Variants in TIMM21 observed in about 807,000 individuals in gnomAD.
TIMM21 encodes translocase of inner mitochondrial membrane 21.
A neutral mutation model predicts 27.7 loss-of-function variants in TIMM21; 30 were observed. The ratio of observed to expected loss-of-function variants is 1.08; its 90% CI spans 0.81 to 1.47. The LOEUF is 1.47. Ranked by LOEUF, TIMM21 falls within the 40% of genes most tolerant of loss-of-function variation. The pLI, the probability that TIMM21 is intolerant of heterozygous loss-of-function variation, is 0.00. For missense variants in TIMM21, 292 were observed against 302.9 expected (o/e 0.96, Z 0.27); for synonymous variants, 121 against 114.4 (o/e 1.06, Z -0.37).
chr18:74,149,250 TAGAAC>T, intron 1 of TIMM21, 141 bp downstream of exon 1: 2 of 885,488 alleles, frequency 2.3e-6, no homozygotes, highest in Non-Finnish European at 3.4e-6. Flanking sequence ...AATTTAGAAC[TAGAAC>T]ATATAGATCT....
intron 1 of TIMM21, 76 bp from the exon 2 acceptor site, chr18:74,155,069 A>G (rs922320793): frequency 6.2e-6 from 9 of 1,445,596 alleles, no homozygotes; most frequent in Non-Finnish European, 7.8e-6. Flanking sequence ...TTCTCTCGCA[A>G]GAAGTGCAAA....
chr18:74,149,072 T>C lies in TIMM21; in HGVS notation c.264T>C (p.Ser88=). ...DGSKQVSVHR[S]QRGGTAVPTS... ...GCAAACAAGTGTCTGTGCACAGGAGTCAGAGAGGGGGAACCGCCGTCCCAA... is the reference window on the plus strand; with the variant it reads ...GCAAACAAGTGTCTGTGCACAGGAGCCAGAGAGGGGGAACCGCCGTCCCAA... The change falls in exon 1 of 6, where the codon AGT becomes AGC. Residue 88 remains serine (S), a synonymous_variant. Transcript: ENST00000169551. 6.2e-7 allele frequency: 1 copy of C among 1,611,528 alleles called. No individual in the cohort carries two copies. Among genetic ancestry groups the C allele is most frequent in the Non-Finnish European group, 8.5e-7 (1 of 1,178,380 alleles).
intron 1 of TIMM21, among the ~76,000 whole-genome samples, chr18:74,149,447 A>G (rs17088863): frequency 0.088 from 13,359 of 152,282 alleles, 1,084 homozygotes; most frequent in African/African-American, 0.21. Flanking sequence ...CTGGTAGGGA[A>G]AACTTTCACA....
intron 1 of TIMM21, among the ~76,000 whole-genome samples, chr18:74,151,773 C>T (rs73969133): frequency 0.019 from 2,870 of 152,226 alleles, 82 homozygotes; most frequent in African/African-American, 0.064. Context: ...ATCACTGTCT[C>T]GAAGTTTCCA....
intron 1 of TIMM21, among the ~76,000 whole-genome samples, chr18:74,149,878 C>T (rs904619552): frequency 6.6e-6 from 1 of 152,240 alleles, no homozygotes; most frequent in South Asian, 2.1e-4. Flanking sequence ...TTGCACTGCA[C>T]ACCAGGCCTG....
rs913224948 is a variant in TIMM21 at position 74,149,261 on chromosome 18, G to C, written c.301+152G>C. ...ACATAATTTAGAACTAGAACATATA[G>C]ATCTACAGTTTTCTTCACAGATTGG... On this transcript the variant is annotated intron_variant, in intron 1 of 5. Transcript: ENST00000169551. 20 of 837,064 alleles carry C rather than the reference G, an allele frequency of 2.4e-5. No individual in the cohort carries two copies. In the South Asian group the frequency reaches 2.9e-4, roughly 12 times the overall value. 51.9% of individuals were successfully genotyped at this position (837,064 alleles called of 1,614,324 possible).
At chr18:74,153,296 A>G (rs1158366437) in intron 1 of TIMM21, among the ~76,000 whole-genome samples, 1 of 152,224 alleles carries the variant, frequency 6.6e-6, no homozygotes, top group Non-Finnish European at 1.5e-5. Context: ...ACAGATATAC[A>G]GGAGCTGTTG....
intron 1 of TIMM21, among the ~76,000 whole-genome samples, chr18:74,153,796 A>T (rs1979873531): frequency 1.3e-5 from 2 of 152,252 alleles, no homozygotes; most frequent in Admixed American, 1.3e-4. Context: ...AACATAATAG[A>T]AGCTTTTTAT....
Position 74,158,881 on chromosome 18 carries a change from T to G in TIMM21, c.*401T>G. On this transcript the variant is annotated 3_prime_UTR_variant, in exon 6 of 6. Transcript: ENST00000169551. ...TCATTAGCAGCTGCCCTCCGCATAC[T>G]TTGGAATCTGACTTGAGATAAGCAT... is the stretch of plus-strand genomic sequence containing the variant. 1 of 184,018 alleles carries G rather than the reference T, an allele frequency of 5.4e-6. No individual in the cohort carries two copies. The highest frequency in any genetic ancestry group is 1.1e-4 in the South Asian group (1 of 9,060). The allele number at this position is 184,018 out of a possible 1,614,324, so 11.4% of individuals were successfully genotyped here.
intron 1 of TIMM21, among the ~76,000 whole-genome samples, chr18:74,151,446 G>T (rs1007146555): frequency 6.6e-6 from 1 of 152,060 alleles, no homozygotes; most frequent in Admixed American, 6.6e-5. Context: ...AGACACTCCC[G>T]ACTGCCACTC....
rs768343547 is a variant in TIMM21 at position 74,158,390 on chromosome 18, T to C, written c.657T>C (p.Gly219=). 6.2e-7 allele frequency: 1 copy of C among 1,607,344 alleles called. No homozygotes were observed. The highest frequency in any genetic ancestry group is 1.1e-5 in the South Asian group (1 of 90,664). The change falls in exon 6 of 6, where the codon GGT becomes GGC. Residue 219 remains glycine, a synonymous_variant. Coordinates refer to ENST00000169551, the MANE Select transcript of TIMM21 (RefSeq NM_014177.3). ...ATTTTTTTCAGAACCCAGGAAGTGGTGAATATGATTTTCGATATATATTTG... is the reference window on the plus strand; with the variant it reads ...ATTTTTTTCAGAACCCAGGAAGTGGCGAATATGATTTTCGATATATATTTG... ...YAQVKENPGS[G]EYDFRYIFVE...
At chr18:74,149,407 AAGAG>A (rs139675978) in intron 1 of TIMM21, among the ~76,000 whole-genome samples, 3,024 of 151,982 alleles carry the variant, frequency 0.02, 88 homozygotes, top group African/African-American at 0.064. Flanking sequence ...ATAGGATAAA[AAGAG>A]AGAGAGAGAG....
intron 1 of TIMM21, among the ~76,000 whole-genome samples, chr18:74,150,485 T>C (rs9961215): frequency 0.088 from 13,347 of 152,190 alleles, 1,079 homozygotes; most frequent in African/African-American, 0.21. Flanking sequence ...GTCCAGAAGG[T>C]TTCAGTCCCT....
At chr18:74,150,269 A>G (rs1472433562) in intron 1 of TIMM21, among the ~76,000 whole-genome samples, 1 of 152,230 alleles carries the variant, frequency 6.6e-6, no homozygotes, top group Non-Finnish European at 1.5e-5. Context: ...CCAGAACAGC[A>G]TTATTCAAAT....
In TIMM21 at chr18:74,148,926, A is replaced by G; in HGVS notation, c.118A>G (p.Ser40Gly). 6.2e-7 allele frequency: 1 copy of G among 1,614,206 alleles called. No homozygotes were observed. The highest frequency in any genetic ancestry group is 1.1e-5 in the South Asian group (1 of 91,084). Residue 40 changes from serine (S) to glycine (G), a missense_variant, in exon 1 of 6, where the codon AGT (serine) becomes GGT (glycine). By Grantham distance (56) the Ser-to-Gly change is moderately conservative. Coordinates refer to ENST00000169551, the MANE Select transcript of TIMM21 (RefSeq NM_014177.3). Reference protein sequence around the residue: ...LNKACLKTEPSLRCGLQYQKK... With the variant: ...LNKACLKTEPGLRCGLQYQKK... ...CAAAGCGTGCTTGAAGACTGAGCCC[A>G]GTTTGAGATGTGGGCTTCAATATCA...
chr18:74,152,209 G>T lies in TIMM21; in HGVS notation c.302-2936G>T, dbSNP rs1979829372. ...AGATTTTTTACAACATTGACCTCAAGGGCCCCCTACCCAGCTTTAGGTTGC... is the reference window on the plus strand; with the variant it reads ...AGATTTTTTACAACATTGACCTCAATGGCCCCCTACCCAGCTTTAGGTTGC... On this transcript the variant is annotated intron_variant, in intron 1 of 5. Coordinates refer to ENST00000169551, the MANE Select transcript of TIMM21 (RefSeq NM_014177.3). This position sits in a 1 kb window ranked among gnomAD's most constrained non-coding sequence, Gnocchi z 4.1. Among the ~76,000 whole-genome samples, 1 of 152,076 alleles carries T rather than the reference G, an allele frequency of 6.6e-6. No individual in the cohort carries two copies. The highest frequency in any genetic ancestry group is 1.5e-5 in the Non-Finnish European group (1 of 68,008).
chr18:74,158,122 A>T (rs1599211430), intron 4 of TIMM21, 35 bp downstream of exon 4: 2 of 1,613,922 alleles, frequency 1.2e-6, no homozygotes, highest in Non-Finnish European at 1.7e-6. Flanking sequence ...GGCTCTGGGG[A>T]GATTTTTAAA....
Position 74,148,686 on chromosome 18 carries a change from C to T in TIMM21, c.-123C>T. 1.0e-6 allele frequency: 1 copy of T among 996,112 alleles called. No homozygotes were observed. The highest frequency in any genetic ancestry group is 1.5e-6 in the Non-Finnish European group (1 of 677,632). 61.7% of individuals were successfully genotyped at this position (996,112 alleles called of 1,614,324 possible). On this transcript the variant is annotated 5_prime_UTR_variant, in exon 1 of 6. Coordinates refer to ENST00000169551, the MANE Select transcript of TIMM21 (RefSeq NM_014177.3). ...ACGCTGCGGAAACTGACGTTTTTGC[C>T]TAACACCCCATGTAATGTAAACGTA...
intron 1 of TIMM21, among the ~76,000 whole-genome samples, chr18:74,150,897 G>T (rs74915900): frequency 0.05 from 7,559 of 152,248 alleles, 265 homozygotes; most frequent in East Asian, 0.12. Flanking sequence ...GTCACCGAAA[G>T]GGCAGCTTCA....
Sources: gnomAD v4.1 joint callset for allele counts (sites outside exome capture counted in the v4.1 genomes callset) on GRCh38, gnomAD v4.1.1 for gene constraint, Gnocchi (gnomAD v3.1) non-coding constraint, MANE v1.5 for transcripts, NCBI Gene and HGNC (gene_info 2026-07-23, HGNC 2026-07-21) for gene names.